TLE2: variants seen among roughly 807,000 people sequenced by gnomAD.
TLE2 encodes the protein transducin-like enhancer protein 2.
Under a neutral mutation model 97.2 loss-of-function variants are expected in TLE2, and 74 were observed. That is an observed-to-expected ratio of 0.76 (90% CI 0.63 to 0.92). TLE2 has a LOEUF of 0.92. Among genes scored for constraint, TLE2 ranks in the 40% least tolerant of loss-of-function variants. TLE2 has a pLI of 0.00. For synonymous variants in TLE2, 499 were observed against 432.1 expected (o/e 1.15, Z -1.92); for missense variants, 1,038 against 1,008.7 (o/e 1.03, Z -0.39).
rs1339547974 is a variant in TLE2, at chr19:3,008,941, G to A, written c.1178C>T (p.Ala393Val). 1.3e-6 allele frequency: 2 copies of A among 1,587,288 alleles called. No homozygotes were observed. Among genetic ancestry groups the A allele is most frequent in the Non-Finnish European group, 1.7e-6 (2 of 1,166,904 alleles). ...SVVYGRSPVM[A>V]FESHPHLRGS... ...TCGGAGATGGGGATGAGACTCAAAT[G>A]CCATCTGTGAGAATGCCAGGGGGGT... Residue 393 changes from alanine (A) to valine (V), a missense_variant, in exon 14 of 20, where the codon GCA becomes GTA. Coordinates refer to ENST00000262953, the MANE Select transcript of TLE2 (RefSeq NM_003260.5).
chr19:3,015,769 A>G lies in TLE2; in HGVS notation c.571-9T>C. Reference sequence around the variant, plus strand: ...GGCGAGGGAGATGCACTCTGCGGAGAGACAAAGGCCGGGGGGAGAAAGGGT... The same window carrying G: ...GGCGAGGGAGATGCACTCTGCGGAGGGACAAAGGCCGGGGGGAGAAAGGGT... On this transcript the variant is annotated splice_polypyrimidine_tract_variant and intron_variant, in intron 8 of 19. Transcript: ENST00000262953. The G allele has an allele frequency of 1.3e-6, 2 of 1,596,112 alleles. No homozygotes were observed. Among genetic ancestry groups the G allele is most frequent in the Non-Finnish European group, 1.7e-6 (2 of 1,171,390 alleles).
At chr19:3,026,169 G>A (rs893055391) in intron 4 of TLE2, among the ~76,000 whole-genome samples, 2 of 152,090 alleles carry the variant, frequency 1.3e-5, no homozygotes, top group Non-Finnish European at 2.9e-5. Flanking sequence ...TCTATTGGCC[G>A]GGCAAGGTGG....
In TLE2 at chr19:3,009,164, G is replaced by A. The variant is rs960341429; in HGVS notation, c.1174-219C>T. 3.9e-5 allele frequency among the ~76,000 whole-genome samples: 6 copies of A among 152,226 alleles called. No homozygotes were observed. The East Asian group carries it at 5.8e-4, about 15-fold the overall frequency. On this transcript the variant is annotated intron_variant, in intron 13 of 19. Transcript: ENST00000262953. ...TATCCAGGAAATCCTAGAACTCCACGGTTCCAAGGATCCTGAAGGGTTCTC... is the reference window on the plus strand; with the variant it reads ...TATCCAGGAAATCCTAGAACTCCACAGTTCCAAGGATCCTGAAGGGTTCTC...
intron 11 of TLE2, 146 bp downstream of exon 11, chr19:3,013,523 T>A (rs889917655): frequency 2.3e-5 from 16 of 683,954 alleles, no homozygotes; most frequent in South Asian, 7.6e-5. Flanking sequence ...GCAGGAGGTT[T>A]AAAAAAAAAA....
At chr19:3,013,523 T>C (rs889917655) in intron 11 of TLE2, 146 bp downstream of exon 11, 19 of 684,098 alleles carry the variant, frequency 2.8e-5, no homozygotes, top group African/African-American at 5.7e-5. Flanking sequence ...GCAGGAGGTT[T>C]AAAAAAAAAA....
chr19:3,021,872 T>C lies in TLE2; in HGVS notation c.295-2099A>G, dbSNP rs575786253. On this transcript the variant is annotated intron_variant, in intron 5 of 19. Coordinates refer to ENST00000262953, the MANE Select transcript of TLE2 (RefSeq NM_003260.5). ...TGCTGGTATTACAGGTGTGAGCCAC[T>C]GCGCCCAGCCTAAATATAAATTTAA... 4.6e-5 allele frequency among the ~76,000 whole-genome samples: 7 copies of C among 152,260 alleles called. No homozygotes were observed. The South Asian group carries it at 1.2e-3, about 27-fold the overall frequency.
chr19:3,038,666 G>C (rs2090078451), intron 1 of TLE2, among the ~76,000 whole-genome samples: 1 of 152,242 alleles, frequency 6.6e-6, no homozygotes, highest in East Asian at 1.9e-4. Flanking sequence ...CCAGCACTTT[G>C]GGAGGCCAAG....
In TLE2 at chr19:3,028,690, G is replaced by A; in HGVS notation, c.122+16C>T. 1 of 1,612,278 alleles carries A rather than the reference G, an allele frequency of 6.2e-7. No homozygotes were observed. Among genetic ancestry groups the A allele is most frequent in the Non-Finnish European group, 8.5e-7 (1 of 1,179,518 alleles). ...CCCAGGTGAACTCCCGCGGCCCCTGGGGCGGCCCCCCTCACCTGTGGTATT... is the reference window on the plus strand; with the variant it reads ...CCCAGGTGAACTCCCGCGGCCCCTGAGGCGGCCCCCCTCACCTGTGGTATT... On this transcript the variant is annotated intron_variant, in intron 2 of 19. Transcript: ENST00000262953.
intron 9 of TLE2, among the ~76,000 whole-genome samples, chr19:3,015,022 TAATA>T (rs749174870): frequency 2.2e-4 from 21 of 93,452 alleles, no homozygotes; most frequent in African/African-American, 8.0e-4. Flanking sequence ...GACTCCACCT[TAATA>T]AATAAATAAA....
At chr19:3,025,413 G>A in intron 4 of TLE2, 5 of 1,140,338 alleles carry the variant, frequency 4.4e-6, no homozygotes, top group Non-Finnish European at 5.4e-6. Flanking sequence ...CTCAGACGCA[G>A]ACACTCAGAG....
intron 1 of TLE2, among the ~76,000 whole-genome samples, chr19:3,034,376 AT>A (rs1024621267): frequency 1.3e-5 from 2 of 151,332 alleles, no homozygotes; most frequent in African/African-American, 4.9e-5. Context: ...CTAGGGATAA[AT>A]TTCCAGCTCT....
upstream of TLE2, among the ~76,000 whole-genome samples, chr19:3,030,991 C>T (rs1220234570): frequency 6.7e-6 from 1 of 150,332 alleles, no homozygotes; most frequent in Admixed American, 6.6e-5. Flanking sequence ...TTAAAGCCAT[C>T]GTTTTCCAGC....
At chr19:3,037,271 T>A (rs1194732260) in intron 1 of TLE2, among the ~76,000 whole-genome samples, 2 of 152,040 alleles carry the variant, frequency 1.3e-5, no homozygotes, top group Non-Finnish European at 2.9e-5. Flanking sequence ...GACAACAGAG[T>A]GAGACTCTGT....
At chr19:3,002,703 CTT>C (rs113353995) in intron 17 of TLE2, among the ~76,000 whole-genome samples, 200 bp from the exon 18 acceptor site, 4 of 144,766 alleles carry the variant, frequency 2.8e-5, no homozygotes, top group Admixed American at 1.4e-4. Flanking sequence ...GCTGGATAAT[CTT>C]TTTTTTTTTT....
chr19:3,003,224 G>A lies in TLE2; in HGVS notation c.1897-721C>T, dbSNP rs553152637. On this transcript the variant is annotated intron_variant, in intron 17 of 19. Coordinates refer to ENST00000262953, the MANE Select transcript of TLE2 (RefSeq NM_003260.5). The stretch of plus-strand genomic sequence containing the variant: ...TGAGCGCACAACAGCACAGGGAGGA[G>A]GGAGAGAGGAGGGAGGAGGGACAGA... Among the ~76,000 whole-genome samples the A allele has an allele frequency of 6.4e-4, 98 of 152,300 alleles. 1 individual carries two copies. In the South Asian group the frequency reaches 0.018, roughly 28 times the overall value.
Position 3,014,744 on chromosome 19 carries a change from C to A in TLE2, c.679-130G>T. Reference sequence around the variant, plus strand: ...CATGACTGGGATTCTCAGACCACTGCACCCGTTTGCTCATAGCAGAAGGGA... The same window carrying A: ...CATGACTGGGATTCTCAGACCACTGAACCCGTTTGCTCATAGCAGAAGGGA... On this transcript the variant is annotated intron_variant, in intron 9 of 19. Coordinates refer to ENST00000262953, the MANE Select transcript of TLE2 (RefSeq NM_003260.5). 2 of 850,544 alleles carry A rather than the reference C, an allele frequency of 2.4e-6. 1 individual carries two copies. Among genetic ancestry groups the A allele is most frequent in the South Asian group, 4.8e-5 (2 of 42,078 alleles). The allele number at this position is 850,544 out of a possible 1,614,324, so 52.7% of individuals were successfully genotyped here. A position where few individuals can be genotyped will look rare whatever the true frequency, so the allele number is the denominator to read the frequency against.
upstream of TLE2, among the ~76,000 whole-genome samples, chr19:3,033,141 C>T (rs2090038767): frequency 6.6e-6 from 1 of 151,164 alleles, no homozygotes; most frequent in African/African-American, 2.4e-5. Flanking sequence ...GCTTCTCGAG[C>T]AGCTGGGATT....
rs1957976386 is a variant in TLE2 at position 3,002,363 on chromosome 19, A to G, written c.2037T>C (p.Phe679=). 1.9e-6 allele frequency: 3 copies of G among 1,611,678 alleles called. No homozygotes were observed. In the African/African-American group the frequency reaches 4.0e-5, roughly 21 times the overall value. ...LHESCVLSLK[F]ASCGRWFVST... The stretch of plus-strand genomic sequence containing the variant: ...CCCCAGAAGACACACCGCAGGAGGC[A>G]AACTTCAGGGACAGCACGCAGCTCT... Residue 679 remains phenylalanine, a synonymous_variant, in exon 18 of 20, where the codon TTT becomes TTC. Coordinates refer to ENST00000262953, the MANE Select transcript of TLE2 (RefSeq NM_003260.5).
rs1034083734 is a variant in TLE2 at position 3,019,847 on chromosome 19, A to C, written c.295-74T>G. The C allele has an allele frequency of 9.2e-5, 140 of 1,524,162 alleles. 1 individual carries two copies. The highest frequency in any genetic ancestry group is 1.2e-4 in the Non-Finnish European group (136 of 1,128,802). The allele number at this position is 1,524,162 out of a possible 1,614,324, so 94.4% of individuals were successfully genotyped here. A position where few individuals can be genotyped will look rare whatever the true frequency, so the allele number is the denominator to read the frequency against. On this transcript the variant is annotated intron_variant, in intron 5 of 19. Coordinates refer to ENST00000262953, the MANE Select transcript of TLE2 (RefSeq NM_003260.5). The surrounding 1 kb of genome is among the most constrained non-coding windows in gnomAD (Gnocchi z 5.1). ...TGCTAGCGGTGCCCTTGGGGACCTG[A>C]CCTCTCCCCGCCACCCTCTCATCTT...
Sources: gnomAD v4.1 joint callset for allele counts (sites outside exome capture counted in the v4.1 genomes callset) on GRCh38, gnomAD v4.1.1 for gene constraint, Gnocchi (gnomAD v3.1) non-coding constraint, MANE v1.5 for transcripts, NCBI Gene and HGNC (gene_info 2026-07-23, HGNC 2026-07-21) for gene names.